XKR6: variants seen among roughly 807,000 people sequenced by gnomAD.
XKR6 encodes the protein XK-related protein 6.
In XKR6, 22 loss-of-function variants were observed where a neutral mutation model predicts 56.7. The ratio of observed to expected loss-of-function variants is 0.39; its 90% CI spans 0.28 to 0.55. The LOEUF is 0.55. Among genes scored for constraint, XKR6 ranks in the 20% least tolerant of loss-of-function variants. The pLI is 0.66. For synonymous variants in XKR6, 524 were observed against 387.8 expected (o/e 1.35, Z -4.13); for missense variants, 852 against 889.0 (o/e 0.96, Z 0.53).
intron 1 of XKR6, among the ~76,000 whole-genome samples, chr8:11,167,181 G>C (rs761745324): frequency 4.6e-5 from 7 of 152,130 alleles, no homozygotes; most frequent in Admixed American, 1.3e-4. Flanking sequence ...CCAACTGTCA[G>C]AACTAACTTT....
chr8:11,163,270 A>C (rs1376826869), intron 1 of XKR6, among the ~76,000 whole-genome samples: 1 of 152,232 alleles, frequency 6.6e-6, no homozygotes, highest in African/African-American at 2.4e-5. Flanking sequence ...GTTTTGCATA[A>C]AGTATAAGCA....
At chr8:11,063,193 G>A (rs977284983) in intron 1 of XKR6, 2 of 154,322 alleles carry the variant, frequency 1.3e-5, no homozygotes, top group African/African-American at 2.6e-5. Context: ...GTGAGACCCC[G>A]TCTCTACCTA....
chr8:11,146,058 T>A (rs1385786768), intron 1 of XKR6, among the ~76,000 whole-genome samples: 1 of 151,852 alleles, frequency 6.6e-6, no homozygotes, highest in African/African-American at 2.4e-5. Context: ...TGACTTTTGA[T>A]AAAGGGGCAA....
At chr8:10,938,455 A>C (rs1051091547) in intron 1 of XKR6, among the ~76,000 whole-genome samples, 1 of 152,138 alleles carries the variant, frequency 6.6e-6, no homozygotes, top group South Asian at 2.1e-4. Flanking sequence ...CTTGCCTACT[A>C]TCCTTCCGCA....
chr8:11,075,459 T>C (rs766926786), intron 1 of XKR6, among the ~76,000 whole-genome samples: 21 of 152,166 alleles, frequency 1.4e-4, no homozygotes, highest in Non-Finnish European at 2.5e-4. Context: ...CCAGCCCAGG[T>C]TGATGACAGG....
intron 1 of XKR6, among the ~76,000 whole-genome samples, chr8:10,948,798 G>T (rs1801628821): frequency 6.6e-6 from 1 of 152,242 alleles, no homozygotes; most frequent in African/African-American, 2.4e-5. Flanking sequence ...CCATTCTGGG[G>T]AGACGTGCTC....
chr8:11,102,614 C>T (rs1326937320), intron 1 of XKR6, among the ~76,000 whole-genome samples: 2 of 152,084 alleles, frequency 1.3e-5, no homozygotes, highest in Non-Finnish European at 2.9e-5. Flanking sequence ...TCTGCCCACT[C>T]ACAACCGGAA....
At chr8:11,107,570 C>A (rs1034885978) in intron 1 of XKR6, among the ~76,000 whole-genome samples, 1 of 152,166 alleles carries the variant, frequency 6.6e-6, no homozygotes, top group Admixed American at 6.5e-5. Context: ...ACAGAGAATG[C>A]AGATCTGGGC....
At chr8:10,946,010 C>T (rs780496088) in intron 1 of XKR6, among the ~76,000 whole-genome samples, 7 of 152,042 alleles carry the variant, frequency 4.6e-5, no homozygotes, top group African/African-American at 7.2e-5. Flanking sequence ...CAAGACAAGC[C>T]CCTTGCTGGT....
intron 1 of XKR6, among the ~76,000 whole-genome samples, chr8:10,976,945 A>AGCGTGCAT (rs1332397689): frequency 6.7e-6 from 1 of 149,064 alleles, no homozygotes; most frequent in Non-Finnish European, 1.5e-5. Flanking sequence ...GTCCCTGCTG[A>AGCGTGCAT]GCGTGCATGC....
At chr8:10,976,301 C>T (rs565632904) in intron 1 of XKR6, among the ~76,000 whole-genome samples, 5 of 152,318 alleles carry the variant, frequency 3.3e-5, no homozygotes, top group East Asian at 1.9e-4. Context: ...ACCCAAGACC[C>T]CAGCAGGGTC....
chr8:11,119,934 C>G (rs1159236001), intron 1 of XKR6, among the ~76,000 whole-genome samples: 1 of 152,128 alleles, frequency 6.6e-6, no homozygotes. Flanking sequence ...AAGACAAAAA[C>G]CACATGATTA....
intron 1 of XKR6, among the ~76,000 whole-genome samples, chr8:11,177,997 C>T (rs560182522): frequency 1.3e-5 from 2 of 152,238 alleles, no homozygotes; most frequent in East Asian, 1.9e-4. Context: ...ACCAAAAAAA[C>T]GGATCCCATC....
intron 1 of XKR6, among the ~76,000 whole-genome samples, chr8:10,998,839 G>A (rs947618590): frequency 2.0e-5 from 3 of 152,174 alleles, no homozygotes; most frequent in African/African-American, 4.8e-5. Context: ...TGTTCCTTCT[G>A]CCTCCAAGCA....
At chr8:11,125,749 AT>A (rs1375155165) in intron 1 of XKR6, 1 of 152,136 alleles carries the variant, frequency 6.6e-6, no homozygotes, top group East Asian at 1.9e-4. Context: ...AAATATTTCC[AT>A]TTCTGTCCAC....
chr8:11,193,778 A>T (rs1803717059), intron 1 of XKR6, among the ~76,000 whole-genome samples: 1 of 138,424 alleles, frequency 7.2e-6, no homozygotes, highest in African/African-American at 2.6e-5. Context: ...TTGGTAAACA[A>T]TTCAGAAAAA....
chr8:11,122,892 T>C (rs147052815), intron 1 of XKR6, among the ~76,000 whole-genome samples: 1,584 of 152,240 alleles, frequency 0.01, 34 homozygotes, highest in African/African-American at 0.037. Context: ...CATGTAGCAA[T>C]GGAATAAACA....
At chr8:11,063,292 T>TA (rs1225427580) in intron 1 of XKR6, among the ~76,000 whole-genome samples, 4 of 149,538 alleles carry the variant, frequency 2.7e-5, no homozygotes, top group South Asian at 2.1e-4. Flanking sequence ...AAATCAAAGT[T>TA]AAAAAAATGT....
At chr8:11,138,152 A>G in intron 1 of XKR6, 1 of 160,106 alleles carries the variant, frequency 6.2e-6, no homozygotes, top group Non-Finnish European at 1.4e-5. Flanking sequence ...CCCATTCCAG[A>G]AAGATATTAT....
Sources: gnomAD v4.1 joint callset for allele counts (sites outside exome capture counted in the v4.1 genomes callset) on GRCh38, gnomAD v4.1.1 for gene constraint, MANE v1.5 for transcripts, NCBI Gene and HGNC (gene_info 2026-07-23, HGNC 2026-07-21) for gene names.